SUGCT: variants seen among roughly 807,000 people sequenced by gnomAD.
The protein encoded by SUGCT is succinyl-CoA:glutarate-CoA transferase, also known as succinyl-CoA:glutarate CoA-transferase.
Under a neutral mutation model 55.0 loss-of-function variants are expected in SUGCT, and 41 were observed. That is an observed-to-expected ratio of 0.74 (90% confidence interval 0.58 to 0.97). The LOEUF (loss-of-function observed/expected upper bound fraction) is 0.97, where lower values mean the gene tolerates loss of function less well. SUGCT is among the 50% of genes least tolerant of loss of function. The pLI, the probability that SUGCT is intolerant of heterozygous loss-of-function variation, is 0.00. For missense variants in SUGCT, 568 were observed against 547.8 expected (o/e 1.04, Z -0.37); for synonymous variants, 187 against 200.4 (o/e 0.93, Z 0.56).
At chr7:40,629,655 G>T (rs1001034734) in intron 12 of SUGCT, among the ~76,000 whole-genome samples, 3 of 152,116 alleles carry the variant, frequency 2.0e-5, no homozygotes, top group African/African-American at 2.4e-5. Context: ...TTGAGAAGGG[G>T]CCAGGGAAAG....
At chr7:40,850,115 G>A (rs1793777032) in intron 13 of SUGCT, among the ~76,000 whole-genome samples, 1 of 152,068 alleles carries the variant, frequency 6.6e-6, no homozygotes, top group African/African-American at 2.4e-5. Context: ...GGCTCTCTTC[G>A]CGTTCTACTT....
At chr7:40,623,166 A>C (rs961501043) in intron 12 of SUGCT, among the ~76,000 whole-genome samples, 2 of 152,172 alleles carry the variant, frequency 1.3e-5, no homozygotes, top group African/African-American at 4.8e-5. Context: ...ACACTTCATT[A>C]TCTCTCAGGC....
chr7:40,688,597 G>T (rs1784562089), intron 12 of SUGCT, among the ~76,000 whole-genome samples: 1 of 151,844 alleles, frequency 6.6e-6, no homozygotes, highest in South Asian at 2.1e-4. Flanking sequence ...GCACATGTTG[G>T]TCACTGTTAT....
chr7:40,462,059 T>C (rs1789832916), intron 11 of SUGCT, among the ~76,000 whole-genome samples: 1 of 152,156 alleles, frequency 6.6e-6, no homozygotes, highest in South Asian at 2.1e-4. Flanking sequence ...CTGTTGCAAG[T>C]TGGGGATAGA....
intron 8 of SUGCT, among the ~76,000 whole-genome samples, chr7:40,288,103 G>T (rs1354959928): frequency 6.6e-6 from 1 of 151,920 alleles, no homozygotes; most frequent in African/African-American, 2.4e-5. Flanking sequence ...GGATTCTTAG[G>T]TTTATATTCA....
chr7:40,387,735 T>A (rs1785197649), intron 9 of SUGCT, among the ~76,000 whole-genome samples: 1 of 152,184 alleles, frequency 6.6e-6, no homozygotes, highest in African/African-American at 2.4e-5. Flanking sequence ...GGATTAATAA[T>A]GTCTATAAAG....
intron 1 of SUGCT, among the ~76,000 whole-genome samples, chr7:40,143,016 T>C (rs929733941): frequency 2.6e-5 from 4 of 152,198 alleles, no homozygotes; most frequent in African/African-American, 9.7e-5. Flanking sequence ...GATCTGGTAT[T>C]CCCTGTGGGA....
chr7:40,582,205 T>C (rs949413276), intron 12 of SUGCT, among the ~76,000 whole-genome samples: 4 of 152,176 alleles, frequency 2.6e-5, no homozygotes, highest in Non-Finnish European at 5.9e-5. Flanking sequence ...TCATCACAGA[T>C]TACAAGCTAA....
chr7:40,614,130 T>G (rs1798890886), intron 12 of SUGCT, among the ~76,000 whole-genome samples: 1 of 151,948 alleles, frequency 6.6e-6, no homozygotes, highest in Non-Finnish European at 1.5e-5. Context: ...CAAGGCTGTT[T>G]TTTTTTTTTA....
the SUGCT span, among the ~76,000 whole-genome samples, chr7:41,016,610 CA>C: frequency 1.3e-5 from 2 of 152,176 alleles, no homozygotes; most frequent in African/African-American, 4.8e-5. Flanking sequence ...TTTGCAATCC[CA>C]GCACCCAGCA....
At chr7:40,182,561 CAAA>C (rs533687452) in intron 3 of SUGCT, among the ~76,000 whole-genome samples, 1 of 66,108 alleles carries the variant, frequency 1.5e-5, no homozygotes, top group African/African-American at 4.9e-5. Context: ...GACTCCGTTT[CAAA>C]AAAAAAAAAA....
chr7:40,940,301 T>C, the SUGCT span, among the ~76,000 whole-genome samples: 3 of 152,178 alleles, frequency 2.0e-5, no homozygotes, highest in African/African-American at 7.2e-5. Flanking sequence ...TAATTTGAAG[T>C]TCAGTAATGT....
At chr7:40,334,116 G>A (rs1468889713) in intron 9 of SUGCT, among the ~76,000 whole-genome samples, 1 of 152,130 alleles carries the variant, frequency 6.6e-6, no homozygotes, top group Non-Finnish European at 1.5e-5. Context: ...TATTCATGGT[G>A]TATATGTGCC....
chr7:40,229,260 T>A (rs1416103380), intron 6 of SUGCT, among the ~76,000 whole-genome samples: 3 of 152,246 alleles, frequency 2.0e-5, no homozygotes, highest in African/African-American at 7.2e-5. Flanking sequence ...GGCTCACGCC[T>A]GTAATCCCAG....
the SUGCT span, among the ~76,000 whole-genome samples, chr7:40,877,660 T>C: frequency 6.6e-6 from 1 of 152,246 alleles, no homozygotes; most frequent in African/African-American, 2.4e-5. Flanking sequence ...AATCTTAACC[T>C]GTATACACCA....
At chr7:40,167,971 G>A (rs551176515) in intron 1 of SUGCT, among the ~76,000 whole-genome samples, 2 of 152,304 alleles carry the variant, frequency 1.3e-5, no homozygotes, top group African/African-American at 4.8e-5. Flanking sequence ...GCCCACTCCC[G>A]GCTCAAATGC....
At chr7:40,739,131 T>G (rs1787329365) in intron 12 of SUGCT, among the ~76,000 whole-genome samples, 1 of 152,164 alleles carries the variant, frequency 6.6e-6, no homozygotes, top group Non-Finnish European at 1.5e-5. Context: ...TGCAAAACTA[T>G]ACCACAATAT....
chr7:40,745,764 A>G (rs941662400), intron 12 of SUGCT, among the ~76,000 whole-genome samples: 1 of 152,244 alleles, frequency 6.6e-6, no homozygotes, highest in South Asian at 2.1e-4. Context: ...AAAATTCACT[A>G]CAAAATTCTG....
At chr7:40,441,447 G>A (rs1788510010) in intron 9 of SUGCT, among the ~76,000 whole-genome samples, 4 of 151,724 alleles carry the variant, frequency 2.6e-5, no homozygotes, top group Admixed American at 2.6e-4. Context: ...TATGAAATAG[G>A]GCTTGATTTG....
Sources: allele counts gnomAD v4.1 joint callset (sites outside exome capture counted in the v4.1 genomes callset), GRCh38; gene constraint gnomAD v4.1.1; transcripts MANE v1.5; gene names NCBI Gene and HGNC (gene_info 2026-07-23, HGNC 2026-07-21).